Variants in KSR2 observed in about 807,000 individuals in gnomAD.
The protein encoded by KSR2 is kinase suppressor of ras 2.
In KSR2, 25 loss-of-function variants were observed where a neutral mutation model predicts 107.8. That is an observed-to-expected ratio of 0.23 (90% CI 0.17 to 0.32). The LOEUF is 0.32. Ranked by LOEUF, KSR2 falls within the 10% of genes least tolerant of loss-of-function variation. The pLI, the probability that KSR2 is intolerant of heterozygous loss-of-function variation, is 1.00. For synonymous variants in KSR2, 480 were observed against 507.0 expected (o/e 0.95, Z 0.71); for missense variants, 887 against 1,268.9 (o/e 0.70, Z 4.57).
In KSR2 at chr12:117,579,109, A is replaced by C. The variant is rs773779432; in HGVS notation, c.1325+10T>G. The C allele has an allele frequency of 4.4e-6, 7 of 1,608,854 alleles. No homozygotes were observed. Among genetic ancestry groups the C allele is most frequent in the Non-Finnish European group, 6.0e-6 (7 of 1,176,322 alleles). On this transcript the variant is annotated intron_variant, in intron 7 of 19. Coordinates refer to ENST00000339824, the MANE Select transcript of KSR2 (RefSeq NM_173598.6). ...GCTGCGAAAAGTCACTGCAGGGCACAGTCACTTACTTGCAGTTTTTACACT... is the reference window on the plus strand; with the variant it reads ...GCTGCGAAAAGTCACTGCAGGGCACCGTCACTTACTTGCAGTTTTTACACT...
At chr12:117,848,295 G>A (rs1375190114) in intron 3 of KSR2, among the ~76,000 whole-genome samples, 1 of 152,220 alleles carries the variant, frequency 6.6e-6, no homozygotes, top group Admixed American at 6.5e-5. Context: ...TGTGGCCCAG[G>A]ACAGGAAGGT....
chr12:117,608,517 G>A (rs890718074), intron 5 of KSR2, among the ~76,000 whole-genome samples: 1 of 152,158 alleles, frequency 6.6e-6, no homozygotes, highest in African/African-American at 2.4e-5. Flanking sequence ...CCAGAACTGT[G>A]GGGAATAGAA....
intron 2 of KSR2, among the ~76,000 whole-genome samples, chr12:117,860,027 G>A (rs1020409298): frequency 6.6e-6 from 1 of 152,238 alleles, no homozygotes; most frequent in African/African-American, 2.4e-5. Flanking sequence ...GCTGGACTAA[G>A]AAGTGAAGTG....
At chr12:117,794,567 C>A (rs1034083072) in intron 3 of KSR2, among the ~76,000 whole-genome samples, 8 of 146,894 alleles carry the variant, frequency 5.4e-5, no homozygotes, top group Admixed American at 5.4e-4. Flanking sequence ...GCACACACAC[C>A]AACATGCACA....
intron 9 of KSR2, among the ~76,000 whole-genome samples, chr12:117,543,886 T>C (rs1320545669): frequency 6.6e-6 from 1 of 152,228 alleles, no homozygotes; most frequent in Non-Finnish European, 1.5e-5. Context: ...GCAATTCTTG[T>C]CATTACTTAG....
chr12:117,480,522 C>A (rs983795302), intron 16 of KSR2, among the ~76,000 whole-genome samples: 2 of 152,144 alleles, frequency 1.3e-5, no homozygotes, highest in Non-Finnish European at 2.9e-5. Flanking sequence ...GGCAGAACAG[C>A]TGGATGCTGG....
At chr12:117,648,452 G>C (rs1883750462) in intron 5 of KSR2, among the ~76,000 whole-genome samples, 1 of 152,184 alleles carries the variant, frequency 6.6e-6, no homozygotes. Flanking sequence ...ATAAGGCATT[G>C]GGGCTTCATT....
At chr12:117,660,542 C>T (rs949974467) in intron 5 of KSR2, among the ~76,000 whole-genome samples, 1 of 152,114 alleles carries the variant, frequency 6.6e-6, no homozygotes, top group Non-Finnish European at 1.5e-5. Context: ...TGGACTAGGG[C>T]CCATTCTAAT....
chr12:117,476,696 T>C, intron 16 of KSR2, 101 bp from the exon 17 acceptor site: 1 of 1,288,416 alleles, frequency 7.8e-7, no homozygotes, highest in Non-Finnish European at 1.0e-6. Context: ...CTGCTGCCCT[T>C]CTCGCTTCCC....
At chr12:117,912,712 C>T (rs1408657654) in intron 1 of KSR2, among the ~76,000 whole-genome samples, 1 of 152,062 alleles carries the variant, frequency 6.6e-6, no homozygotes, top group Non-Finnish European at 1.5e-5. Flanking sequence ...ACATCCTGTC[C>T]AAGTGCTCAA....
At chr12:117,527,950 AGTGTGT>A (rs10664320) in intron 12 of KSR2, among the ~76,000 whole-genome samples, 14,199 of 142,602 alleles carry the variant, frequency 0.1, 717 homozygotes, top group South Asian at 0.13. Context: ...GGAAGACACA[AGTGTGT>A]GTGTGTGTGT....
chr12:117,517,901 A>G (rs1874481628), intron 14 of KSR2: 1 of 455,610 alleles, frequency 2.2e-6, no homozygotes, highest in Non-Finnish European at 4.4e-6. Context: ...GAGTTACAGA[A>G]AAAGCAAGTT....
chr12:117,555,426 T>C, intron 8 of KSR2, 133 bp from the exon 9 acceptor site: 1 of 844,528 alleles, frequency 1.2e-6, no homozygotes, highest in Non-Finnish European at 1.9e-6. Flanking sequence ...AAAGTGATAA[T>C]GATTCTGTGG....
intron 4 of KSR2, among the ~76,000 whole-genome samples, chr12:117,678,423 G>A (rs113460346): frequency 0.013 from 1,991 of 151,264 alleles, 46 homozygotes; most frequent in African/African-American, 0.046. Context: ...TTAGGATTCC[G>A]GGGCTCTCTG....
intron 9 of KSR2, among the ~76,000 whole-genome samples, chr12:117,551,987 T>C (rs1353070451): frequency 6.6e-6 from 1 of 152,178 alleles, no homozygotes; most frequent in Non-Finnish European, 1.5e-5. Flanking sequence ...TCTGAGCTCC[T>C]CGTCCCTCAA....
chr12:117,744,447 A>G (rs1375456801), intron 4 of KSR2, among the ~76,000 whole-genome samples: 1 of 152,184 alleles, frequency 6.6e-6, no homozygotes, highest in Non-Finnish European at 1.5e-5. Context: ...ATAAGCCTTT[A>G]TGAGCCTTTT....
At chr12:117,912,140 A>G (rs1895034894) in intron 1 of KSR2, among the ~76,000 whole-genome samples, 1 of 152,220 alleles carries the variant, frequency 6.6e-6, no homozygotes, top group Admixed American at 6.5e-5. Flanking sequence ...CTCAACCTCT[A>G]AGAGGTGTTG....
chr12:117,622,205 A>C (rs74335635), intron 5 of KSR2, among the ~76,000 whole-genome samples: 5,807 of 151,716 alleles, frequency 0.038, 248 homozygotes, highest in East Asian at 0.24. Context: ...TTTTTTGTTT[A>C]AGTATGGTGG....
rs139823440 is a variant in KSR2 at position 117,734,947 on chromosome 12, T to C, written c.986+26064A>G. The stretch of plus-strand genomic sequence containing the variant: ...TTTTGTGGTTACTTTGTGTCTATCA[T>C]GCCGAAGCCACACACTTGGTGTTGA... On this transcript the variant is annotated intron_variant, in intron 4 of 19. Coordinates refer to ENST00000339824, the MANE Select transcript of KSR2 (RefSeq NM_173598.6). Among the ~76,000 whole-genome samples, 198 of 152,304 alleles carry C rather than the reference T, an allele frequency of 1.3e-3. 2 individuals carry two copies. The highest frequency in any genetic ancestry group is 0.011 in the Admixed American group (167 of 15,302).
Sources: gnomAD v4.1 joint callset for allele counts (sites outside exome capture counted in the v4.1 genomes callset) on GRCh38, gnomAD v4.1.1 for gene constraint, MANE v1.5 for transcripts, NCBI Gene and HGNC (gene_info 2026-07-23, HGNC 2026-07-21) for gene names.